XKR6: variants seen among roughly 807,000 people sequenced by gnomAD.
XKR6 encodes the protein XK related 6.
A neutral mutation model predicts 56.7 loss-of-function variants in XKR6; 22 were observed. That is an observed-to-expected ratio of 0.39 (90% confidence interval 0.28 to 0.55). The LOEUF (loss-of-function observed/expected upper bound fraction) is 0.55. XKR6 is among the 20% of genes least tolerant of loss of function. The pLI is 0.66. For synonymous variants in XKR6, 524 were observed against 387.8 expected (o/e 1.35, Z -4.13); for missense variants, 852 against 889.0 (o/e 0.96, Z 0.53).
chr8:10,942,220 C>T (rs1178198713), intron 1 of XKR6, among the ~76,000 whole-genome samples: 1 of 152,192 alleles, frequency 6.6e-6, no homozygotes, highest in Non-Finnish European at 1.5e-5. Context: ...ATACACTTTA[C>T]ACACAGCGTA....
intron 1 of XKR6, among the ~76,000 whole-genome samples, chr8:10,992,463 A>G (rs995472768): frequency 2.0e-5 from 3 of 152,180 alleles, no homozygotes; most frequent in Non-Finnish European, 4.4e-5. Context: ...TTCTTTCATC[A>G]GCTCACTGGC....
At position 11,201,269 on chromosome 8, in the gene XKR6, A is replaced by C; in HGVS notation, c.71T>G (p.Val24Gly). 1 of 1,539,292 alleles carries C rather than the reference A, an allele frequency of 6.5e-7. No homozygotes were observed. Among genetic ancestry groups the C allele is most frequent in the African/African-American group, 1.4e-5 (1 of 70,954 alleles). The change falls in exon 1 of 3, where the codon GTG becomes GGG. Residue 24 changes from valine (V) to glycine (G), a missense_variant. Val to Gly is a moderately radical substitution (Grantham distance 109). This residue lies in a region of XKR6 where 417 missense variants were observed against 355.2 expected (regional missense o/e 1.17). Transcript: ENST00000416569. ...FAQLHNLDEA[V>G]GSGGEEDGEP... ...CCCGTCCTCCTCGCCGCCGCTGCCC[A>C]CCGCCTCGTCCAGGTTGTGCAGCTG...
intron 1 of XKR6, among the ~76,000 whole-genome samples, chr8:11,035,916 T>C (rs556383999): frequency 4.7e-4 from 72 of 151,580 alleles, no homozygotes; most frequent in Admixed American, 1.1e-3. Context: ...GTGAGAAATC[T>C]GAGTTGAGTT....
chr8:11,200,901 G>A lies in XKR6; in HGVS notation c.439C>T (p.Leu147=). ...CGGTAGTAGTCGAGGGCCAGCCACA[G>A]GTCGGTGCCCACGTCCCCGAAGAAC... is the stretch of plus-strand genomic sequence containing the variant. The part of the protein sequence containing the change: ...LVFFGDVGTD[L]WLALDYYRKG... The change falls in exon 1 of 3, where the codon CTG becomes TTG. Residue 147 remains leucine (L), a synonymous_variant. Coordinates refer to ENST00000416569, the MANE Select transcript of XKR6 (RefSeq NM_173683.4). This position sits in a 1 kb window ranked among gnomAD's most constrained non-coding sequence, Gnocchi z 6.4. The A allele has an allele frequency of 6.2e-7, 1 of 1,610,484 alleles. No homozygotes were observed. The highest frequency in any genetic ancestry group is 8.5e-7 in the Non-Finnish European group (1 of 1,179,270).
At chr8:10,946,171 G>A (rs189487412) in intron 1 of XKR6, among the ~76,000 whole-genome samples, 3 of 151,972 alleles carry the variant, frequency 2.0e-5, no homozygotes, top group East Asian at 1.9e-4. Flanking sequence ...ACAATCTGCC[G>A]GGACCCAAGT....
intron 1 of XKR6, among the ~76,000 whole-genome samples, chr8:11,053,138 G>T (rs1194234282): frequency 6.6e-6 from 1 of 152,260 alleles, no homozygotes; most frequent in Non-Finnish European, 1.5e-5. Flanking sequence ...CGCAGACACT[G>T]CGCAGGAGCA....
At chr8:11,126,254 A>C (rs955190563) in intron 1 of XKR6, among the ~76,000 whole-genome samples, 2 of 151,896 alleles carry the variant, frequency 1.3e-5, no homozygotes, top group African/African-American at 4.8e-5. Context: ...TTTTTAGTAA[A>C]GACGGGGTTC....
chr8:11,058,117 G>C (rs537291493), intron 1 of XKR6, among the ~76,000 whole-genome samples: 40 of 152,328 alleles, frequency 2.6e-4, no homozygotes, highest in African/African-American at 9.6e-4. Flanking sequence ...TTTGAGTTGT[G>C]TTCTGCCAGC....
At chr8:11,045,962 T>C (rs1359823937) in intron 1 of XKR6, among the ~76,000 whole-genome samples, 3 of 152,204 alleles carry the variant, frequency 2.0e-5, no homozygotes, top group African/African-American at 4.8e-5. Context: ...GCAGAGAAAC[T>C]GGTACCCTTG....
At chr8:11,048,689 G>T (rs938240455) in intron 1 of XKR6, among the ~76,000 whole-genome samples, 9 of 152,142 alleles carry the variant, frequency 5.9e-5, no homozygotes, top group African/African-American at 2.2e-4. Flanking sequence ...CCCCTTCCTG[G>T]GTGACTCTGG....
intron 2 of XKR6, among the ~76,000 whole-genome samples, chr8:10,917,940 G>A (rs1800606002): frequency 6.6e-6 from 1 of 152,184 alleles, no homozygotes; most frequent in Non-Finnish European, 1.5e-5. Context: ...TGGGGAGACA[G>A]GTAAACAGGC....
intron 1 of XKR6, among the ~76,000 whole-genome samples, chr8:11,063,997 C>G (rs779364067): frequency 6.6e-6 from 1 of 152,224 alleles, no homozygotes; most frequent in Admixed American, 6.5e-5. Context: ...TGTTCCGCCT[C>G]TATTTCATAC....
At chr8:11,123,897 C>G (rs745907910) in intron 1 of XKR6, 1 of 455,980 alleles carries the variant, frequency 2.2e-6, no homozygotes, top group Non-Finnish European at 4.4e-6. Flanking sequence ...CTGGGACTGC[C>G]CTTCCCTCCC....
At chr8:11,038,089 C>G (rs1799192230) in intron 1 of XKR6, among the ~76,000 whole-genome samples, 1 of 151,958 alleles carries the variant, frequency 6.6e-6, no homozygotes, top group South Asian at 2.1e-4. Context: ...TAACTACCAT[C>G]CCTGATCCCT....
At chr8:11,023,841 T>C (rs1798800196) in intron 1 of XKR6, among the ~76,000 whole-genome samples, 1 of 152,180 alleles carries the variant, frequency 6.6e-6, no homozygotes, top group Non-Finnish European at 1.5e-5. Context: ...ATGCCTGTCT[T>C]CATTACCAGG....
At chr8:11,120,334 G>A (rs970662425) in intron 1 of XKR6, among the ~76,000 whole-genome samples, 9 of 152,234 alleles carry the variant, frequency 5.9e-5, no homozygotes, top group Non-Finnish European at 1.0e-4. Flanking sequence ...CAAACTCAGC[G>A]AAGTCTCAGG....
chr8:11,055,765 G>C (rs1333126014), intron 1 of XKR6, among the ~76,000 whole-genome samples: 4 of 151,944 alleles, frequency 2.6e-5, no homozygotes, highest in East Asian at 3.9e-4. Context: ...TCCCCTGGTA[G>C]AGGCAGCACA....
intron 1 of XKR6, chr8:11,109,145 A>G (rs910012074): frequency 6.6e-6 from 1 of 152,234 alleles, no homozygotes; most frequent in Admixed American, 6.5e-5. Flanking sequence ...TGAGGCCAAC[A>G]TAAAATCTGA....
intron 1 of XKR6, among the ~76,000 whole-genome samples, chr8:10,932,294 G>T (rs1801073585): frequency 6.6e-6 from 1 of 152,148 alleles, no homozygotes; most frequent in Admixed American, 6.5e-5. Flanking sequence ...GAAAACAGTG[G>T]ACAGTCTCTC....
Sources: allele counts gnomAD v4.1 joint callset (sites outside exome capture counted in the v4.1 genomes callset), GRCh38; gene constraint gnomAD v4.1.1; regional missense constraint gnomAD v4.1.1; non-coding constraint Gnocchi (gnomAD v3.1); transcripts MANE v1.5; gene names NCBI Gene and HGNC (gene_info 2026-07-23, HGNC 2026-07-21).